The following OCRL variants were observed in gnomAD, a reference collection of about 807,000 sequenced individuals.
The protein encoded by OCRL is inositol polyphosphate 5-phosphatase OCRL.
A neutral mutation model predicts 78.9 loss-of-function variants in OCRL; 8 were observed. The observed-to-expected ratio is 0.10, with a 90% CI of 0.06 to 0.18. The LOEUF is 0.18. Among genes scored for constraint, OCRL ranks in the 10% least tolerant of loss-of-function variants. The pLI, the probability that OCRL is intolerant of heterozygous loss-of-function variation, is 1.00. For missense variants in OCRL, 454 were observed against 696.7 expected, an observed-to-expected ratio of 0.65 and a Z score of 3.92; for synonymous variants, 240 against 235.4, an observed-to-expected ratio of 1.02 and a Z score of -0.18.
chrX:129,576,916 A>G (rs904319870), intron 18 of OCRL, among the ~76,000 whole-genome samples: 2 of 111,957 alleles, frequency 1.8e-5, no homozygotes, highest in Non-Finnish European at 1.9e-5. Context: ...AATTATCCTC[A>G]TTTGAGCATA....
At chrX:129,545,877 A>AT (rs371981311) in intron 3 of OCRL, among the ~76,000 whole-genome samples, 2,121 of 110,294 alleles carry the variant, frequency 0.019, 59 homozygotes, top group African/African-American at 0.065. Flanking sequence ...CCCCCAGCTA[A>AT]TTTTTTTTGT....
At chrX:129,542,605 A>G (rs1935824490) in intron 2 of OCRL, among the ~76,000 whole-genome samples, 1 of 110,929 alleles carries the variant, frequency 9.0e-6, no homozygotes, top group Admixed American at 9.6e-5. Flanking sequence ...TTACTATAAG[A>G]TAGTAATATC....
Position 129,591,825 on chromosome X carries a change from T to G in OCRL, c.*1555T>G. On this transcript the variant is annotated 3_prime_UTR_variant, in exon 24 of 24. Coordinates refer to ENST00000371113, the MANE Select transcript of OCRL (RefSeq NM_000276.4). Reference sequence around the variant, plus strand: ...AGTCAAGTTACTGGTGCCACAGATCTGGAGGTATGATAGGTCAGGGGCTAG... The same window carrying G: ...AGTCAAGTTACTGGTGCCACAGATCGGGAGGTATGATAGGTCAGGGGCTAG... 8.7e-6 allele frequency: 1 copy of G among 114,879 alleles called. No individual in the cohort carries two copies. 9.5% of individuals were successfully genotyped at this position (114,879 alleles called of 1,213,427 possible). A position where few individuals can be genotyped will look rare whatever the true frequency, so the allele number is the denominator to read the frequency against.
chrX:129,555,575 G>C (rs1194104651), intron 4 of OCRL, among the ~76,000 whole-genome samples: 1 of 112,430 alleles, frequency 8.9e-6, no homozygotes, highest in Non-Finnish European at 1.9e-5. Context: ...TGAAGTTGAG[G>C]ATGTAGGAGT....
intron 12 of OCRL, among the ~76,000 whole-genome samples, chrX:129,563,974 A>G (rs1403167418): frequency 2.8e-5 from 3 of 108,587 alleles, no homozygotes; most frequent in Non-Finnish European, 5.8e-5. Flanking sequence ...CAACCTACTC[A>G]TCTGACAAAG....
In OCRL at chrX:129,590,264, A is replaced by C. The variant is rs1936570602; in HGVS notation, c.2700A>C (p.Glu900Asp). ...TGGGCTTTCTGCTTGGGAGCGAAGA[A>C]GACTAAGGCTTTTACTGTTCTCTGA... is the stretch of plus-strand genomic sequence containing the variant. ...FLLGFLLGSE[E>D]D The change falls in exon 24 of 24, where the codon GAA becomes GAC. Residue 900 changes from glutamate to aspartate, a missense_variant. Glu to Asp is a conservative substitution (Grantham distance 45). Around this residue, in one of 2 missense-constraint regions of OCRL, gnomAD observed 277 missense variants for 517.1 expected, o/e 0.54. Transcript: ENST00000371113. 8.3e-7 allele frequency: 1 copy of C among 1,209,144 alleles called. No homozygotes were observed.
chrX:129,576,266 C>T, intron 17 of OCRL, 51 bp from the exon 18 acceptor site: 1 of 1,100,393 alleles, frequency 9.1e-7, no homozygotes, highest in Non-Finnish European at 1.3e-6. Context: ...CTCTTTTTTG[C>T]TTTCCCACTG....
Position 129,576,020 on chromosome X carries a change from C to T in OCRL, c.1837C>T (p.Pro613Ser). The T allele has an allele frequency of 8.3e-7, 1 of 1,211,443 alleles. No homozygotes were observed. Among genetic ancestry groups the T allele is most frequent in the Non-Finnish European group, 1.1e-6 (1 of 895,093 alleles). ...ACTTAATGACAGCCAGTACTGCAAG[C>T]CATGGCTTCGGGCTGAACCTTTTGA... ...PKLNDSQYCK[P>S]WLRAEPFEGY... Residue 613 changes from proline (P) to serine (S), a missense_variant, in exon 17 of 24, where the codon CCA becomes TCA. Physicochemically the swap from Pro to Ser is moderately conservative, Grantham distance 74. Around this residue, in one of 2 missense-constraint regions of OCRL, gnomAD observed 277 missense variants for 517.1 expected, o/e 0.54. Transcript: ENST00000371113.
intron 21 of OCRL, 132 bp downstream of exon 21, chrX:129,588,395 C>A: frequency 1.9e-6 from 1 of 534,056 alleles, no homozygotes; most frequent in African/African-American, 2.3e-5. Context: ...TAACCACTGA[C>A]TATCCACTTG....
rs763983399 is a variant in OCRL, at chrX:129,558,717, G to A, written c.524G>A (p.Arg175Gln). The A allele has an allele frequency of 4.1e-6, 5 of 1,211,354 alleles. No individual in the cohort carries two copies. Among genetic ancestry groups the A allele is most frequent in the African/African-American group, 3.5e-5 (2 of 57,867 alleles). ...NSQNQPTGIH[R>Q]EPPPPPFSVN... ...CAAAATCAGCCTACTGGGATTCATC[G>A]GGAACCCCCACCTCCACCCTTTTCA... Residue 175 changes from arginine (R) to glutamine (Q), a missense_variant, in exon 7 of 24, where the codon CGG (arginine) becomes CAG (glutamine). Physicochemically the swap from Arg to Gln is conservative, Grantham distance 43. Coordinates refer to ENST00000371113, the MANE Select transcript of OCRL (RefSeq NM_000276.4).
At chrX:129,562,098 A>T (rs1936153544) in intron 10 of OCRL, among the ~76,000 whole-genome samples, 1 of 112,011 alleles carries the variant, frequency 8.9e-6, no homozygotes, top group South Asian at 3.7e-4. Context: ...TGAACTTTTA[A>T]TGCTGCTTAC....
intron 12 of OCRL, 88 bp from the exon 13 acceptor site, chrX:129,565,684 A>G: frequency 1.4e-6 from 1 of 705,428 alleles, no homozygotes. Flanking sequence ...GCCCTTATCA[A>G]TAATCTACCC....
intron 15 of OCRL, among the ~76,000 whole-genome samples, chrX:129,573,205 T>C (rs1936324724): frequency 9.1e-6 from 1 of 110,418 alleles, no homozygotes; most frequent in Non-Finnish European, 1.9e-5. Context: ...GATGTTCTTA[T>C]TTTCAACATT....
At chrX:129,547,870 G>A (rs1935910870) in intron 3 of OCRL, among the ~76,000 whole-genome samples, 1 of 111,791 alleles carries the variant, frequency 8.9e-6, no homozygotes, top group Admixed American at 9.5e-5. Context: ...GGTCTGGCAG[G>A]TGCACTTGGT....
rs765511092 is a variant in OCRL, at chrX:129,548,545, T to C, written c.200-18T>C. On this transcript the variant is annotated intron_variant, in intron 3 of 23. Coordinates refer to ENST00000371113, the MANE Select transcript of OCRL (RefSeq NM_000276.4). ...TTTTCTCTTCCCTAATCCTACTCTC[T>C]TTTTTTTCCCCTCTCAGAAGCAGAA... The C allele has an allele frequency of 8.5e-7, 1 of 1,172,430 alleles. No individual in the cohort carries two copies. Among genetic ancestry groups the C allele is most frequent in the Non-Finnish European group, 1.2e-6 (1 of 861,128 alleles).
At chrX:129,542,189 C>G (rs1348272194) in intron 2 of OCRL, among the ~76,000 whole-genome samples, 1 of 108,193 alleles carries the variant, frequency 9.2e-6, no homozygotes, top group Non-Finnish European at 1.9e-5. Flanking sequence ...AGCCCAGAAT[C>G]TAGTCCCTCG....
chrX:129,590,284 C>T lies in OCRL; in HGVS notation c.*14C>T, dbSNP rs1045795446. On this transcript the variant is annotated 3_prime_UTR_variant, in exon 24 of 24. Transcript: ENST00000371113. ...GAAGAAGACTAAGGCTTTTACTGTTCTCTGATATTCTAGAAGCAGACGATC... is the reference window on the plus strand; with the variant it reads ...GAAGAAGACTAAGGCTTTTACTGTTTTCTGATATTCTAGAAGCAGACGATC... 4.1e-6 allele frequency: 5 copies of T among 1,209,993 alleles called. No individual in the cohort carries two copies. Among genetic ancestry groups the T allele is most frequent in the Non-Finnish European group, 4.5e-6 (4 of 894,526 alleles).
chrX:129,589,344 T>A, intron 22 of OCRL: 1 of 302,317 alleles, frequency 3.3e-6, no homozygotes, highest in Non-Finnish European at 6.0e-6. Context: ...CTTGGGAGCC[T>A]TTCTTCTTTT....
At chrX:129,567,929 C>T (rs1330852072) in intron 14 of OCRL, among the ~76,000 whole-genome samples, 4 of 84,527 alleles carry the variant, frequency 4.7e-5, no homozygotes, top group Middle Eastern at 9.0e-3. Flanking sequence ...TTTTTTGAGA[C>T]GGAGTCTCGC....
Sources: gnomAD v4.1 joint callset for allele counts (sites outside exome capture counted in the v4.1 genomes callset) on GRCh38, gnomAD v4.1.1 for gene constraint, gnomAD v4.1.1 regional missense constraint, MANE v1.5 for transcripts, NCBI Gene and HGNC (gene_info 2026-07-23, HGNC 2026-07-21) for gene names.